Variants in PTPRG observed in about 807,000 individuals in gnomAD.
PTPRG encodes the protein receptor-type tyrosine-protein phosphatase gamma.
A neutral mutation model predicts 165.3 loss-of-function variants in PTPRG; 102 were observed. That is an observed-to-expected ratio of 0.62 (90% CI 0.53 to 0.73). The LOEUF (loss-of-function observed/expected upper bound fraction) is 0.73. PTPRG is among the 30% of genes least tolerant of loss of function. The probability of loss-of-function intolerance (pLI) is 0.00; values close to 1 mark genes in which losing one functional copy is unlikely to be tolerated. For missense variants in PTPRG, 1,866 were observed against 1,861.4 expected, an observed-to-expected ratio of 1.00 and a Z score of -0.05; for synonymous variants, 675 against 669.5, an observed-to-expected ratio of 1.01 and a Z score of -0.13.
At chr3:61,847,330 C>G (rs968491748) in intron 2 of PTPRG, among the ~76,000 whole-genome samples, 1 of 152,092 alleles carries the variant, frequency 6.6e-6, no homozygotes, top group East Asian at 1.9e-4. Flanking sequence ...TGCCATCAGC[C>G]CACGGGAAAC....
chr3:62,084,617 T>C (rs1407969439), intron 5 of PTPRG, among the ~76,000 whole-genome samples: 1 of 152,190 alleles, frequency 6.6e-6, no homozygotes, highest in Non-Finnish European at 1.5e-5. Context: ...CCTGGGATTA[T>C]TTATAGACAT....
chr3:62,148,593 G>A (rs1185472736), intron 6 of PTPRG, among the ~76,000 whole-genome samples: 1 of 152,000 alleles, frequency 6.6e-6, no homozygotes, highest in Non-Finnish European at 1.5e-5. Context: ...GTGAAACCCT[G>A]TCTCTACTAA....
chr3:61,588,647 T>C lies in PTPRG; in HGVS notation c.85+26275T>C, dbSNP rs567329732. The stretch of plus-strand genomic sequence containing the variant: ...TTGTAGTAGAGACAAGGTTTCACCA[T>C]GTTGTCCAGGCTGGTCTCAGACTCC... On this transcript the variant is annotated intron_variant, in intron 1 of 29. Coordinates refer to ENST00000474889, the MANE Select transcript of PTPRG (RefSeq NM_002841.4). Among the ~76,000 whole-genome samples, 6 of 152,294 alleles carry C rather than the reference T, an allele frequency of 3.9e-5. No homozygotes were observed. The South Asian group carries it at 1.0e-3, about 26-fold the overall frequency.
At chr3:61,687,972 A>G (rs1026155742) in intron 1 of PTPRG, among the ~76,000 whole-genome samples, 1 of 152,210 alleles carries the variant, frequency 6.6e-6, no homozygotes, top group African/African-American at 2.4e-5. Flanking sequence ...GGAATCGCGT[A>G]CCCAGCTTTT....
chr3:62,171,086 T>C (rs935341660), intron 8 of PTPRG, among the ~76,000 whole-genome samples: 3 of 152,260 alleles, frequency 2.0e-5, no homozygotes, highest in Non-Finnish European at 4.4e-5. Context: ...TCCTCTCTGT[T>C]GTGGCCTGTA....
rs1702651906 is a variant in PTPRG at position 61,661,166 on chromosome 3, G to A, written c.86-87712G>A. Among the ~76,000 whole-genome samples, 3 of 151,670 alleles carry A rather than the reference G, an allele frequency of 2.0e-5. No individual in the cohort carries two copies. In the South Asian group the frequency reaches 6.2e-4, roughly 32 times the overall value. ...TAGCCTACTGCAGCCTCAAACTCCT[G>A]GGCTCAAGCAATCCTTTCGCCTCAG... On this transcript the variant is annotated intron_variant, in intron 1 of 29. Transcript: ENST00000474889.
At chr3:61,993,322 A>G (rs2040942394) in intron 3 of PTPRG, among the ~76,000 whole-genome samples, 2 of 151,874 alleles carry the variant, frequency 1.3e-5, no homozygotes, top group Admixed American at 6.6e-5. Context: ...GGTTTAAGCA[A>G]TTCTCCTGCC....
At chr3:62,204,948 T>C (rs1700191295) in intron 12 of PTPRG, among the ~76,000 whole-genome samples, 1 of 152,110 alleles carries the variant, frequency 6.6e-6, no homozygotes, top group South Asian at 2.1e-4. Flanking sequence ...TTTGCCAGAC[T>C]ACAAGATGTT....
chr3:61,996,113 A>C (rs1454829510), intron 3 of PTPRG, among the ~76,000 whole-genome samples: 1 of 152,096 alleles, frequency 6.6e-6, no homozygotes, highest in African/African-American at 2.4e-5. Context: ...TGAAGTTTAA[A>C]AAATGTTTTT....
At chr3:62,223,773 GT>G (rs199678882) in intron 13 of PTPRG, among the ~76,000 whole-genome samples, 3 of 151,828 alleles carry the variant, frequency 2.0e-5, no homozygotes, top group South Asian at 4.2e-4. Flanking sequence ...CTCAAATGAA[GT>G]TTTTTTTTAA....
rs1701277998 is a variant in PTPRG, at chr3:62,245,837, A to G, written c.2467+1939A>G. On this transcript the variant is annotated intron_variant, in intron 15 of 29. Coordinates refer to ENST00000474889, the MANE Select transcript of PTPRG (RefSeq NM_002841.4). The surrounding 1 kb of genome is among the most constrained non-coding windows in gnomAD (Gnocchi z 4.2). ...CTCATGTTAAAATTGTGTCCCTGACACCGAACTACATCCACTAGGTGTGCC... is the reference window on the plus strand; with the variant it reads ...CTCATGTTAAAATTGTGTCCCTGACGCCGAACTACATCCACTAGGTGTGCC... Among the ~76,000 whole-genome samples, 3 of 152,058 alleles carry G rather than the reference A, an allele frequency of 2.0e-5. No individual in the cohort carries two copies. The highest frequency in any genetic ancestry group is 2.0e-4 in the Admixed American group (3 of 15,260).
intron 1 of PTPRG, among the ~76,000 whole-genome samples, chr3:61,699,160 T>TAA: frequency 1.3e-5 from 2 of 152,146 alleles, no homozygotes; most frequent in East Asian, 3.9e-4. Flanking sequence ...CCCTAAAACT[T>TAA]AAAGTGTAAT....
intron 2 of PTPRG, among the ~76,000 whole-genome samples, chr3:61,823,349 A>T (rs1226166392): frequency 6.6e-6 from 1 of 151,968 alleles, no homozygotes; most frequent in Non-Finnish European, 1.5e-5. Flanking sequence ...CACCACCACA[A>T]CCAGCTAATT....
chr3:62,033,966 G>A (rs536573234), intron 4 of PTPRG, among the ~76,000 whole-genome samples: 7 of 151,872 alleles, frequency 4.6e-5, no homozygotes, highest in East Asian at 2.0e-4. Context: ...GGATTTCACC[G>A]TGTTGGCCAG....
At chr3:61,797,733 G>A (rs2035096880) in intron 2 of PTPRG, among the ~76,000 whole-genome samples, 1 of 152,076 alleles carries the variant, frequency 6.6e-6, no homozygotes, top group Non-Finnish European at 1.5e-5. Flanking sequence ...CAAGTCCTGA[G>A]TTTGTATGCT....
chr3:61,847,374 T>G (rs1456380431), intron 2 of PTPRG, among the ~76,000 whole-genome samples: 2 of 152,158 alleles, frequency 1.3e-5, no homozygotes, highest in Non-Finnish European at 2.9e-5. Flanking sequence ...CTTCCCCTCA[T>G]GGCTCTGAGA....
intron 13 of PTPRG, among the ~76,000 whole-genome samples, chr3:62,221,936 TC>T (rs1174767624): frequency 6.6e-6 from 1 of 152,214 alleles, no homozygotes; most frequent in Non-Finnish European, 1.5e-5. Flanking sequence ...GTTCAGTGAG[TC>T]CTTTTGAGTG....
At chr3:61,633,052 T>C (rs1378555138) in intron 1 of PTPRG, among the ~76,000 whole-genome samples, 1 of 152,208 alleles carries the variant, frequency 6.6e-6, no homozygotes, top group African/African-American at 2.4e-5. Flanking sequence ...TTTGGCGCAT[T>C]GTTAGAATGT....
intron 2 of PTPRG, among the ~76,000 whole-genome samples, chr3:61,753,008 G>A (rs1479375068): frequency 6.6e-6 from 1 of 152,032 alleles, no homozygotes; most frequent in African/African-American, 2.4e-5. Context: ...ATCAAACAAT[G>A]CCTTTGTGAA....
Sources: gnomAD v4.1 joint callset for allele counts (sites outside exome capture counted in the v4.1 genomes callset) on GRCh38, gnomAD v4.1.1 for gene constraint, Gnocchi (gnomAD v3.1) non-coding constraint, MANE v1.5 for transcripts, NCBI Gene and HGNC (gene_info 2026-07-23, HGNC 2026-07-21) for gene names.